DDX42: variants seen among roughly 807,000 people sequenced by gnomAD.
DDX42 encodes DEAD-box helicase 42.
DDX42 carries 22 observed loss-of-function variants against 101.5 expected under a neutral mutation model. The observed-to-expected ratio is 0.22, with a 90% CI of 0.15 to 0.31. The LOEUF (loss-of-function observed/expected upper bound fraction) is 0.31, where lower values mean the gene tolerates loss of function less well. DDX42 is among the 10% of genes least tolerant of loss of function. The pLI, the probability that DDX42 is intolerant of heterozygous loss-of-function variation, is 1.00. For synonymous variants in DDX42, 402 were observed against 401.2 expected (o/e 1.00, Z -0.02); for missense variants, 849 against 1,199.9 (o/e 0.71, Z 4.32).
At chr17:63,814,461 T>A (rs1218244062) in intron 15 of DDX42, among the ~76,000 whole-genome samples, 1 of 152,160 alleles carries the variant, frequency 6.6e-6, no homozygotes, top group African/African-American at 2.4e-5. Flanking sequence ...GAATAATGTT[T>A]CCTCCCCTGC....
chr17:63,800,518 G>A lies in DDX42; in HGVS notation c.522G>A (p.Gln174=), dbSNP rs1362317210. Residue 174 remains glutamine, a synonymous_variant, in exon 6 of 18, where the codon CAG becomes CAA. Transcript: ENST00000389924. ...AAAACCCAACTGCTGGTGTGGTTCAGGAGGAAGAGGAAGACAATCTAGAAT... is the reference window on the plus strand; with the variant it reads ...AAAACCCAACTGCTGGTGTGGTTCAAGAGGAAGAGGAAGACAATCTAGAAT... The part of the protein sequence containing the change: ...MAENPTAGVV[Q]EEEEDNLEYD... 2 of 1,614,076 alleles carry A rather than the reference G, an allele frequency of 1.2e-6. No individual in the cohort carries two copies. Among genetic ancestry groups the A allele is most frequent in the Non-Finnish European group, 1.7e-6 (2 of 1,179,982 alleles).
At chr17:63,802,755 A>G (rs539741678) in intron 6 of DDX42, among the ~76,000 whole-genome samples, 1 of 152,102 alleles carries the variant, frequency 6.6e-6, no homozygotes, top group South Asian at 2.1e-4. Flanking sequence ...TACTAAAAAT[A>G]CAGAATTAGC....
At chr17:63,806,726 C>G in intron 8 of DDX42, 72 bp downstream of exon 8, 1 of 1,484,432 alleles carries the variant, frequency 6.7e-7, no homozygotes. Flanking sequence ...AAAAACAAAT[C>G]ACAGCAGTAA....
Position 63,805,338 on chromosome 17 carries a change from T to C in DDX42, c.726+163T>C. 3.5e-6 allele frequency: 3 copies of C among 868,524 alleles called. No individual in the cohort carries two copies. The South Asian group carries it at 5.7e-5, about 16-fold the overall frequency. 53.8% of individuals were successfully genotyped at this position (868,524 alleles called of 1,614,324 possible). A position where few individuals can be genotyped will look rare whatever the true frequency, so the allele number is the denominator to read the frequency against. ...TCCCTTCTGTTCATGTCTCTTAATT[T>C]GATTGTTTTAGTCTTCTAGATGCTG... On this transcript the variant is annotated intron_variant, in intron 7 of 17. Coordinates refer to ENST00000389924, the MANE Select transcript of DDX42 (RefSeq NM_203499.3).
intron 8 of DDX42, among the ~76,000 whole-genome samples, chr17:63,807,047 A>G (rs1468331129): frequency 6.6e-6 from 1 of 152,216 alleles, no homozygotes; most frequent in Non-Finnish European, 1.5e-5. Flanking sequence ...CATTTTCTGT[A>G]TATGAATGAG....
intron 2 of DDX42, among the ~76,000 whole-genome samples, chr17:63,787,575 A>G (rs1225808895): frequency 6.6e-6 from 1 of 152,154 alleles, no homozygotes; most frequent in African/African-American, 2.4e-5. Flanking sequence ...GTGGTGGCTC[A>G]CACCTGTAAT....
chr17:63,798,272 A>C (rs747748010), intron 4 of DDX42, 173 bp downstream of exon 4: 7 of 537,216 alleles, frequency 1.3e-5, no homozygotes, highest in Non-Finnish European at 2.3e-5. Context: ...CAGTCTTTGC[A>C]TTTGCAATAA....
chr17:63,798,144 T>G, intron 4 of DDX42, 45 bp downstream of exon 4: 1 of 1,579,406 alleles, frequency 6.3e-7, no homozygotes, highest in Non-Finnish European at 8.7e-7. Flanking sequence ...TGAAAACTGC[T>G]GAAGTATTGC....
chr17:63,785,081 C>T (rs555764378), intron 1 of DDX42, among the ~76,000 whole-genome samples: 1 of 152,208 alleles, frequency 6.6e-6, no homozygotes, highest in South Asian at 2.1e-4. Flanking sequence ...AACAAAACTA[C>T]ATATCTGGGA....
chr17:63,780,565 T>G (rs562123687), intron 1 of DDX42, among the ~76,000 whole-genome samples: 2 of 152,220 alleles, frequency 1.3e-5, no homozygotes, highest in Non-Finnish European at 1.5e-5. Flanking sequence ...TATGCCCTCA[T>G]AGAGCTAACA....
At position 63,798,019 on chromosome 17, in the gene DDX42, C is replaced by T. The variant is rs1231849934; in HGVS notation, c.373-19C>T. 6 of 1,603,078 alleles carry T rather than the reference C, an allele frequency of 3.7e-6. No individual in the cohort carries two copies. The highest frequency in any genetic ancestry group is 5.1e-6 in the Non-Finnish European group (6 of 1,175,360). On this transcript the variant is annotated intron_variant, in intron 3 of 17. Coordinates refer to ENST00000389924, the MANE Select transcript of DDX42 (RefSeq NM_203499.3). Reference sequence around the variant, plus strand: ...TGTTTTTAGTTGATGTCATTCTATACAGCCTTTTGTTTCATTAGGATCAGG... The same window carrying T: ...TGTTTTTAGTTGATGTCATTCTATATAGCCTTTTGTTTCATTAGGATCAGG...
intron 3 of DDX42, among the ~76,000 whole-genome samples, chr17:63,794,312 G>C (rs2039665730): frequency 6.6e-6 from 1 of 152,106 alleles, no homozygotes; most frequent in African/African-American, 2.4e-5. Flanking sequence ...GGGAGGCTGA[G>C]GCAGGAGGAT....
chr17:63,788,036 G>A (rs1029388207), intron 2 of DDX42, among the ~76,000 whole-genome samples: 1 of 150,900 alleles, frequency 6.6e-6, no homozygotes, highest in African/African-American at 2.4e-5. Flanking sequence ...TCCTGTGTAG[G>A]TGGGATTACA....
chr17:63,801,957 T>C (rs1305959200), intron 6 of DDX42, among the ~76,000 whole-genome samples: 2 of 152,340 alleles, frequency 1.3e-5, no homozygotes, highest in African/African-American at 4.8e-5. Flanking sequence ...ATTCTAGATC[T>C]GGAGCAGTGG....
intron 7 of DDX42, 56 bp from the exon 8 acceptor site, chr17:63,806,479 C>A: frequency 6.5e-7 from 1 of 1,536,636 alleles, no homozygotes; most frequent in Non-Finnish European, 8.8e-7. Flanking sequence ...TGTTGAACTT[C>A]AAATGCTGTT....
chr17:63,817,757 G>A lies in DDX42; in HGVS notation c.2176G>A (p.Ala726Thr). ...LSNQKAGSSAAGASGWTSAGS... is the reference protein window; with the variant it reads ...LSNQKAGSSATGASGWTSAGS... Reference sequence around the variant, plus strand: ...TAATCAGAAGGCTGGAAGTTCTGCTGCTGGGGCAAGTGGGTGGACTAGTGC... The same window carrying A: ...TAATCAGAAGGCTGGAAGTTCTGCTACTGGGGCAAGTGGGTGGACTAGTGC... Residue 726 changes from alanine to threonine, a missense_variant, in exon 18 of 18, where the codon GCT (alanine) becomes ACT (threonine). Physicochemically the swap from Ala to Thr is moderately conservative, Grantham distance 58. Around this residue, in one of 5 missense-constraint regions of DDX42, gnomAD observed 300 missense variants for 304.9 expected, o/e 0.98. Transcript: ENST00000389924. 3 of 1,614,230 alleles carry A rather than the reference G, an allele frequency of 1.9e-6. No individual in the cohort carries two copies. The highest frequency in any genetic ancestry group is 1.7e-6 in the Non-Finnish European group (2 of 1,180,044).
At position 63,809,583 on chromosome 17, in the gene DDX42, A is replaced by G; in HGVS notation, c.1176A>G (p.Lys392=). The G allele has an allele frequency of 6.2e-7, 1 of 1,614,136 alleles. No homozygotes were observed. Among genetic ancestry groups the G allele is most frequent in the Non-Finnish European group, 8.5e-7 (1 of 1,180,004 alleles). Residue 392 remains lysine (K), a synonymous_variant, in exon 11 of 18, where the codon AAA becomes AAG. Transcript: ENST00000389924. ...AGGGTCGACTGATAGATCATGTGAAAAAGAAAGCTACCAATCTTCAAAGAG... is the reference window on the plus strand; with the variant it reads ...AGGGTCGACTGATAGATCATGTGAAGAAGAAAGCTACCAATCTTCAAAGAG... ...CTPGRLIDHV[K]KKATNLQRVS...
intron 2 of DDX42, among the ~76,000 whole-genome samples, chr17:63,788,402 G>A (rs1207160851): frequency 1.3e-5 from 2 of 150,188 alleles, no homozygotes; most frequent in Non-Finnish European, 2.9e-5. Flanking sequence ...CGCCTCCCAG[G>A]TTCAAGTGAT....
chr17:63,775,555 C>T (rs1186119307), intron 1 of DDX42, among the ~76,000 whole-genome samples: 2 of 152,074 alleles, frequency 1.3e-5, no homozygotes, highest in African/African-American at 2.4e-5. Context: ...GATATTTAAG[C>T]GGACTAGAAG....
Sources: allele counts gnomAD v4.1 joint callset (sites outside exome capture counted in the v4.1 genomes callset), GRCh38; gene constraint gnomAD v4.1.1; regional missense constraint gnomAD v4.1.1; transcripts MANE v1.5; gene names NCBI Gene and HGNC (gene_info 2026-07-23, HGNC 2026-07-21).